The following MTRR variants were observed in gnomAD, a reference collection of about 807,000 sequenced individuals.
MTRR encodes 5-methyltetrahydrofolate-homocysteine methyltransferase reductase.
A neutral mutation model predicts 79.2 loss-of-function variants in MTRR; 63 were observed. That is an observed-to-expected ratio of 0.80 (90% CI 0.65 to 0.98). The LOEUF (loss-of-function observed/expected upper bound fraction) is 0.98. Ranked by LOEUF, MTRR falls within the 50% of genes least tolerant of loss-of-function variation. MTRR has a pLI of 0.00. For synonymous variants in MTRR, 355 were observed against 313.3 expected, an observed-to-expected ratio of 1.13 and a Z score of -1.41; for missense variants, 895 against 839.6, an observed-to-expected ratio of 1.07 and a Z score of -0.82.
rs2126645258 is a variant in MTRR at position 7,870,890 on chromosome 5, T to A, written c.96T>A (p.Ser32=). 1 of 1,614,216 alleles carries A rather than the reference T, an allele frequency of 6.2e-7. No individual in the cohort carries two copies. Among genetic ancestry groups the A allele is most frequent in the South Asian group, 1.1e-5 (1 of 91,086 alleles). ...ICEQAVVHGF[S]ADLHCISESD... is the part of the protein sequence containing the mutation. Reference sequence around the variant, plus strand: ...AGCAAGCTGTGGTACATGGATTTTCTGCAGATCTTCACTGTATTAGTGAAT... The same window carrying A: ...AGCAAGCTGTGGTACATGGATTTTCAGCAGATCTTCACTGTATTAGTGAAT... The change falls in exon 2 of 15, where the codon TCT becomes TCA. Residue 32 remains serine, a synonymous_variant. Coordinates refer to ENST00000440940, the MANE Select transcript of MTRR (RefSeq NM_002454.3).
intron 2 of MTRR, among the ~76,000 whole-genome samples, 200 bp downstream of exon 2, chr5:7,871,123 T>C (rs1235429208): frequency 2.1e-5 from 3 of 144,316 alleles, no homozygotes; most frequent in African/African-American, 5.4e-5. Flanking sequence ...GACTAAATGG[T>C]CTCAAAAATT....
In MTRR at chr5:7,885,840, A is replaced by G; in HGVS notation, c.1043A>G (p.Asp348Gly). ...EHCVLLKIKA[D>G]TKKKGATLPQ... is the part of the protein sequence containing the mutation. ...TGCGTCCTTTTGAAAATAAAGGCAG[A>G]CACAAAGAAGAAAGGTAACAGCCCT... The change falls in exon 7 of 15, where the codon GAC becomes GGC. Residue 348 changes from aspartate to glycine, a missense_variant. Coordinates refer to ENST00000440940, the MANE Select transcript of MTRR (RefSeq NM_002454.3). The G allele has an allele frequency of 6.2e-7, 1 of 1,614,110 alleles. No individual in the cohort carries two copies. Among genetic ancestry groups the G allele is most frequent in the Non-Finnish European group, 8.5e-7 (1 of 1,180,012 alleles).
At chr5:7,882,303 T>TG (rs778349736) in intron 5 of MTRR, among the ~76,000 whole-genome samples, 34 of 152,312 alleles carry the variant, frequency 2.2e-4, no homozygotes, top group Non-Finnish European at 4.3e-4. Context: ...AAAGGAGGTG[T>TG]GGGCAGGGGT....
At chr5:7,878,482 A>G (rs1163701872) in intron 5 of MTRR, among the ~76,000 whole-genome samples, 160 bp downstream of exon 5, 2 of 152,380 alleles carry the variant, frequency 1.3e-5, no homozygotes, top group Non-Finnish European at 2.9e-5. Context: ...TTACTGGAAC[A>G]CAGCCATGCC....
exon 1 of MTRR, chr5:7,851,400 G>C (rs541082165): frequency 5.5e-6 from 1 of 181,652 alleles, no homozygotes; most frequent in South Asian, 2.0e-4. Flanking sequence ...TGAGCACCTA[G>C]CGCATGGTGT....
chr5:7,860,953 T>C (rs563695409), intron 1 of MTRR, among the ~76,000 whole-genome samples: 97 of 152,332 alleles, frequency 6.4e-4, no homozygotes, highest in African/African-American at 2.2e-3. Context: ...TGTGTACTTG[T>C]GTTCTTCCTA....
chr5:7,865,636 A>T (rs1435027032), upstream of MTRR, among the ~76,000 whole-genome samples: 1 of 152,204 alleles, frequency 6.6e-6, no homozygotes, highest in African/African-American at 2.4e-5. Context: ...CTTCAGAGAG[A>T]ATGGAGAAAT....
chr5:7,886,767 T>G, intron 8 of MTRR, 64 bp downstream of exon 8: 1 of 1,315,476 alleles, frequency 7.6e-7, no homozygotes, highest in Non-Finnish European at 1.1e-6. Flanking sequence ...TTAGGATTGA[T>G]TAAACAAATT....
At position 7,875,310 on chromosome 5, in the gene MTRR, TA is replaced by T. The variant is rs1421835524; in HGVS notation, c.339del (p.Lys113AsnfsTer21). 2 of 1,614,110 alleles carry T rather than the reference TA, an allele frequency of 1.2e-6. No homozygotes were observed. Among genetic ancestry groups the T allele is most frequent in the Non-Finnish European group, 8.5e-7 (1 of 1,180,008 alleles). On this transcript the variant is annotated frameshift_variant, in exon 4 of 15. Transcript: ENST00000440940. LOFTEE classifies it high-confidence loss of function. ...TTTGCAATGGGGGGAAGATAATTGA[TA>T]AACGACTTCAAGAGCTTGGAGCCCG... is the stretch of plus-strand genomic sequence containing the variant. ...YFCNGGKIID[K>X]RLQELGARHF...
chr5:7,859,860 A>T (rs1044857962), intron 1 of MTRR, among the ~76,000 whole-genome samples: 1 of 152,232 alleles, frequency 6.6e-6, no homozygotes, highest in African/African-American at 2.4e-5. Flanking sequence ...AACAAGCTGT[A>T]GGTTGGTGAT....
intron 10 of MTRR, among the ~76,000 whole-genome samples, chr5:7,892,322 G>A (rs972580781): frequency 3.9e-5 from 6 of 151,918 alleles, no homozygotes; most frequent in Non-Finnish European, 8.8e-5. Context: ...CTCCTTTCTG[G>A]GTGTATACTT....
chr5:7,867,980 T>G, upstream of MTRR: 2 of 1,614,166 alleles, frequency 1.2e-6, no homozygotes, highest in Non-Finnish European at 1.7e-6. Flanking sequence ...CTTGACTACC[T>G]TGTGAACATG....
intron 14 of MTRR, among the ~76,000 whole-genome samples, chr5:7,899,353 A>G (rs987913960): frequency 2.0e-5 from 3 of 152,208 alleles, no homozygotes; most frequent in Non-Finnish European, 4.4e-5. Flanking sequence ...TAACGTCGGA[A>G]GTGTTCCAGA....
chr5:7,861,455 T>C, intron 1 of MTRR: 1 of 662,636 alleles, frequency 1.5e-6, no homozygotes, highest in South Asian at 3.7e-5. Context: ...CCCAACATGG[T>C]ATTCTGAAAT....
intron 6 of MTRR, among the ~76,000 whole-genome samples, chr5:7,883,819 G>T (rs945810266): frequency 6.6e-6 from 1 of 152,176 alleles, no homozygotes; most frequent in Non-Finnish European, 1.5e-5. Context: ...GATCAGAACA[G>T]CATTTTATAT....
chr5:7,861,439 GA>G, intron 1 of MTRR: 1 of 633,712 alleles, frequency 1.6e-6, no homozygotes, highest in African/African-American at 1.9e-5. Flanking sequence ...ATATTACAAG[GA>G]ATTTCCCAAC....
chr5:7,873,468 A>G lies in MTRR; in HGVS notation c.225A>G (p.Glu75=). 1.2e-6 allele frequency: 2 copies of G among 1,614,168 alleles called. No homozygotes were observed. Among genetic ancestry groups the G allele is most frequent in the Non-Finnish European group, 1.7e-6 (2 of 1,180,018 alleles). ...ACACAGCCCGCAAGTTTGTTAAGGA[A>G]ATACAGAACCAAACACTGCCGGTTG... ...PPDTARKFVK[E]IQNQTLPVDF... is the part of the protein sequence containing the mutation. The change falls in exon 3 of 15, where the codon GAA becomes GAG. Residue 75 remains glutamate, a synonymous_variant. Coordinates refer to ENST00000440940, the MANE Select transcript of MTRR (RefSeq NM_002454.3).
rs886060805 is a variant in MTRR, at chr5:7,878,229, C to G, written c.687C>G (p.Thr229=). 6.2e-7 allele frequency: 1 copy of G among 1,614,040 alleles called. No individual in the cohort carries two copies. The highest frequency in any genetic ancestry group is 2.2e-5 in the East Asian group (1 of 44,884). ...TTGAAGACTTTGAGTCCTCACTTAC[C>G]CGTTCGGTACCCCCACTCTCACAAG... ...VVIEDFESSL[T]RSVPPLSQAS... is the part of the protein sequence containing the mutation. Residue 229 remains threonine, a synonymous_variant, in exon 5 of 15, where the codon ACC becomes ACG. Coordinates refer to ENST00000440940, the MANE Select transcript of MTRR (RefSeq NM_002454.3).
rs770062624 is a variant in MTRR, at chr5:7,870,781, C to G, written c.-14C>G. The stretch of plus-strand genomic sequence containing the variant: ...CCCCCATTTTTCAGTTTCACTGTTA[C>G]ATGCCTTGAAGTGATGAGGAGGTTT... On this transcript the variant is annotated 5_prime_UTR_variant, in exon 2 of 15. Transcript: ENST00000440940. The G allele has an allele frequency of 2.5e-6, 4 of 1,614,160 alleles. No homozygotes were observed. Among genetic ancestry groups the G allele is most frequent in the Non-Finnish European group, 3.4e-6 (4 of 1,180,024 alleles).
Sources: allele counts gnomAD v4.1 joint callset (sites outside exome capture counted in the v4.1 genomes callset), GRCh38; gene constraint gnomAD v4.1.1; transcripts MANE v1.5; gene names NCBI Gene and HGNC (gene_info 2026-07-23, HGNC 2026-07-21).